Variants in DGKB observed in about 807,000 individuals in gnomAD.
DGKB encodes the protein 90 kDa diacylglycerol kinase.
Under a neutral mutation model 114.3 loss-of-function variants are expected in DGKB, and 67 were observed. That is an observed-to-expected ratio of 0.59 (90% CI 0.48 to 0.72). DGKB has a LOEUF of 0.72. Ranked by LOEUF, DGKB falls within the 30% of genes least tolerant of loss-of-function variation. DGKB has a pLI of 0.00. For synonymous variants in DGKB, 398 were observed against 323.1 expected (o/e 1.23, Z -2.49); for missense variants, 907 against 975.2 (o/e 0.93, Z 0.93).
At chr7:14,642,697 G>T (rs915627627) in intron 13 of DGKB, among the ~76,000 whole-genome samples, 1 of 152,046 alleles carries the variant, frequency 6.6e-6, no homozygotes, top group African/African-American at 2.4e-5. Context: ...ACTTTGAATG[G>T]TATTGTGAAA....
intron 1 of DGKB, among the ~76,000 whole-genome samples, chr7:14,935,574 T>G (rs1187895957): frequency 6.6e-6 from 1 of 152,006 alleles, no homozygotes; most frequent in Non-Finnish European, 1.5e-5. Context: ...AGGAAACGAG[T>G]GAATGTAAAA....
intron 8 of DGKB, among the ~76,000 whole-genome samples, chr7:14,695,711 G>A (rs1370081489): frequency 6.6e-6 from 1 of 151,730 alleles, no homozygotes; most frequent in African/African-American, 2.4e-5. Context: ...GTTTCACCAT[G>A]TTAGCCAGGT....
At chr7:14,210,633 C>T (rs1378543393) in intron 23 of DGKB, among the ~76,000 whole-genome samples, 2 of 151,976 alleles carry the variant, frequency 1.3e-5, no homozygotes, top group Admixed American at 6.6e-5. Flanking sequence ...GATCATCAGT[C>T]CATTAGTCTC....
intron 1 of DGKB, among the ~76,000 whole-genome samples, chr7:14,901,985 C>A (rs1783159361): frequency 6.6e-6 from 1 of 152,094 alleles, no homozygotes; most frequent in South Asian, 2.1e-4. Context: ...GAGATTATTG[C>A]AGCAGGAAGA....
chr7:14,418,357 A>G (rs1826087272), intron 21 of DGKB, among the ~76,000 whole-genome samples: 1 of 108,708 alleles, frequency 9.2e-6, no homozygotes, highest in South Asian at 3.1e-4. Context: ...ATATTCACAT[A>G]TATATGTGTG....
intron 20 of DGKB, among the ~76,000 whole-genome samples, chr7:14,480,792 A>G (rs1050846651): frequency 1.3e-5 from 2 of 152,098 alleles, no homozygotes; most frequent in Admixed American, 6.6e-5. Context: ...GGATACTGAC[A>G]TCCCTTCAAA....
chr7:14,899,189 G>T (rs1238131603), intron 1 of DGKB, among the ~76,000 whole-genome samples: 1 of 152,096 alleles, frequency 6.6e-6, no homozygotes, highest in African/African-American at 2.4e-5. Flanking sequence ...ACCAGTTAAA[G>T]ATGGCTTTTG....
intron 1 of DGKB, among the ~76,000 whole-genome samples, chr7:14,963,373 C>T (rs927833160): frequency 1.3e-5 from 2 of 152,050 alleles, no homozygotes; most frequent in African/African-American, 2.4e-5. Flanking sequence ...TTGATGTGCA[C>T]ATTTGTTCCT....
At chr7:14,764,129 T>C (rs1222710950) in intron 2 of DGKB, among the ~76,000 whole-genome samples, 1 of 151,972 alleles carries the variant, frequency 6.6e-6, no homozygotes, top group East Asian at 1.9e-4. Flanking sequence ...TCAGGAACTA[T>C]ATTAACCCTG....
intron 17 of DGKB, among the ~76,000 whole-genome samples, chr7:14,586,499 CTACAAT>C (rs534486548): frequency 2.7e-4 from 41 of 152,244 alleles, no homozygotes; most frequent in African/African-American, 8.4e-4. Context: ...GAAGATCTAG[CTACAAT>C]TATTGATAAA....
At chr7:14,262,674 A>G (rs981841719) in intron 23 of DGKB, among the ~76,000 whole-genome samples, 3 of 152,192 alleles carry the variant, frequency 2.0e-5, no homozygotes, top group Non-Finnish European at 4.4e-5. Flanking sequence ...AGAGCCAGGC[A>G]TCTTTCTCAG....
At chr7:14,583,004 A>T in intron 18 of DGKB, 48 bp downstream of exon 18, 1 of 1,182,310 alleles carries the variant, frequency 8.5e-7, no homozygotes, top group Non-Finnish European at 1.3e-6. Context: ...AACAGGATTT[A>T]AAGCTATTGC....
intron 23 of DGKB, among the ~76,000 whole-genome samples, chr7:14,316,091 C>A (rs972248499): frequency 1.3e-5 from 2 of 150,452 alleles, no homozygotes; most frequent in Non-Finnish European, 3.0e-5. Flanking sequence ...CCAACGAGAA[C>A]AAAGACACAA....
rs369972185 is a variant in DGKB at position 14,949,959 on chromosome 7, G to C, written c.-188+24737C>G. ...ACACACAGGAGCTTGTTGTGGGGTG[G>C]GGGGAGTGGGGAGGGATAGCATTAG... On this transcript the variant is annotated intron_variant, in intron 1 of 4. Coordinates refer to the DGKB transcript ENST00000437998. Among the ~76,000 whole-genome samples the C allele has an allele frequency of 2.8e-4, 43 of 151,832 alleles. 1 individual carries two copies. In the South Asian group the frequency reaches 9.0e-3, roughly 32 times the overall value.
chr7:14,951,720 CA>C (rs1786209697), intron 1 of DGKB, among the ~76,000 whole-genome samples: 1 of 151,688 alleles, frequency 6.6e-6, no homozygotes, highest in Non-Finnish European at 1.5e-5. Flanking sequence ...CACACTAATG[CA>C]AGATGTTAAT....
intron 20 of DGKB, among the ~76,000 whole-genome samples, chr7:14,480,351 G>A (rs1196333427): frequency 6.6e-6 from 1 of 152,084 alleles, no homozygotes; most frequent in South Asian, 2.1e-4. Flanking sequence ...TCCTTGTGTT[G>A]AATAGGTTCC....
upstream of DGKB, among the ~76,000 whole-genome samples, chr7:14,907,344 G>A (rs754483607): frequency 6.6e-6 from 1 of 152,150 alleles, no homozygotes; most frequent in East Asian, 1.9e-4. Flanking sequence ...CAAAACAGAC[G>A]TGCTTCAATT....
At chr7:14,616,158 G>C (rs1162816756) in intron 15 of DGKB, among the ~76,000 whole-genome samples, 1 of 148,710 alleles carries the variant, frequency 6.7e-6, no homozygotes, top group Non-Finnish European at 1.5e-5. Flanking sequence ...ATTTACATTA[G>C]TATTTCCTAC....
intron 6 of DGKB, among the ~76,000 whole-genome samples, chr7:14,710,574 TA>T (rs1319033673): frequency 6.6e-6 from 1 of 152,136 alleles, no homozygotes; most frequent in African/African-American, 2.4e-5. Context: ...TTGTTCCCAA[TA>T]TCAATGAGAG....
Sources: gnomAD v4.1 joint callset for allele counts (sites outside exome capture counted in the v4.1 genomes callset) on GRCh38, gnomAD v4.1.1 for gene constraint, MANE v1.5 for transcripts, NCBI Gene and HGNC (gene_info 2026-07-23, HGNC 2026-07-21) for gene names.